Variants in LINGO2 observed in about 807,000 individuals in gnomAD.
LINGO2 encodes leucine rich repeat and Ig domain containing 2, also known as leucine-rich repeat and immunoglobulin-like domain-containing nogo receptor-interacting protein 2.
Under a neutral mutation model 30.6 loss-of-function variants are expected in LINGO2, and 14 were observed. That is an observed-to-expected ratio of 0.46 (90% confidence interval 0.30 to 0.72). LINGO2 has a LOEUF of 0.72. Ranked by LOEUF, LINGO2 falls within the 30% of genes least tolerant of loss-of-function variation. The probability of loss-of-function intolerance (pLI) is 0.07; values close to 1 mark genes in which losing one functional copy is unlikely to be tolerated. For synonymous variants in LINGO2, 317 were observed against 288.5 expected, an observed-to-expected ratio of 1.10 and a Z score of -1.00; for missense variants, 729 against 751.7, an observed-to-expected ratio of 0.97 and a Z score of 0.35.
At chr9:28,585,604 T>C (rs1824492806) in intron 1 of LINGO2, among the ~76,000 whole-genome samples, 1 of 152,044 alleles carries the variant, frequency 6.6e-6, no homozygotes, top group Non-Finnish European at 1.5e-5. Context: ...GACGTAAGTG[T>C]TCTGGGCATG....
At chr9:28,681,561 T>C in the LINGO2 span, among the ~76,000 whole-genome samples, 65 of 152,044 alleles carry the variant, frequency 4.3e-4, no homozygotes, top group African/African-American at 1.5e-3. Context: ...GAAAAAGGGA[T>C]ATGGGAATGG....
chr9:28,071,737 G>T (rs994653178), intron 4 of LINGO2, among the ~76,000 whole-genome samples: 2 of 151,938 alleles, frequency 1.3e-5, no homozygotes, highest in African/African-American at 4.8e-5. Context: ...AGGTCCATTT[G>T]GTTCTAAGAG....
the LINGO2 span, among the ~76,000 whole-genome samples, chr9:29,073,751 T>A: frequency 1.3e-5 from 2 of 152,220 alleles, no homozygotes; most frequent in Non-Finnish European, 2.9e-5. Context: ...AATTTGTGGT[T>A]AATCTTACTG....
intron 4 of LINGO2, among the ~76,000 whole-genome samples, chr9:28,214,119 G>C (rs187138005): frequency 1.3e-3 from 191 of 151,680 alleles, no homozygotes; most frequent in Non-Finnish European, 2.1e-3. Flanking sequence ...TTGGAGTAGA[G>C]AGAAAGTAAG....
chr9:29,027,921 G>A, the LINGO2 span, among the ~76,000 whole-genome samples: 23 of 152,308 alleles, frequency 1.5e-4, no homozygotes, highest in South Asian at 4.8e-3. Context: ...AGTGCACTTA[G>A]CAGATGGAGT....
At chr9:28,818,674 C>T in the LINGO2 span, among the ~76,000 whole-genome samples, 1 of 152,212 alleles carries the variant, frequency 6.6e-6, no homozygotes, top group Admixed American at 6.5e-5. Flanking sequence ...GCATGAGCCA[C>T]TGTGCCTGGC....
the LINGO2 span, among the ~76,000 whole-genome samples, chr9:28,720,519 C>T: frequency 6.6e-6 from 1 of 151,936 alleles, no homozygotes; most frequent in East Asian, 1.9e-4. Context: ...CCCAGTTCTC[C>T]CACACGGAAT....
intron 1 of LINGO2, among the ~76,000 whole-genome samples, chr9:28,538,972 T>C (rs1382935111): frequency 6.6e-6 from 1 of 151,952 alleles, no homozygotes; most frequent in Non-Finnish European, 1.5e-5. Context: ...TCCATATATA[T>C]TAATAGTCTC....
chr9:28,615,153 C>A (rs1039285214), intron 1 of LINGO2, among the ~76,000 whole-genome samples: 3 of 152,040 alleles, frequency 2.0e-5, no homozygotes, highest in Non-Finnish European at 4.4e-5. Flanking sequence ...TTCTGCCATA[C>A]GAGAATGTGT....
At chr9:29,166,207 A>G in the LINGO2 span, among the ~76,000 whole-genome samples, 1 of 152,070 alleles carries the variant, frequency 6.6e-6, no homozygotes, top group African/African-American at 2.4e-5. Context: ...TCCACTTTTT[A>G]TATACTTTTC....
the LINGO2 span, among the ~76,000 whole-genome samples, chr9:28,684,016 GAAATTCAA>G: frequency 6.6e-6 from 1 of 151,606 alleles, no homozygotes; most frequent in Non-Finnish European, 1.5e-5. Flanking sequence ...CTTTTTTTGT[GAAATTCAA>G]AAATTCAAAA....
chr9:28,371,207 G>A (rs1292666942), intron 3 of LINGO2, among the ~76,000 whole-genome samples: 1 of 152,140 alleles, frequency 6.6e-6, no homozygotes, highest in Non-Finnish European at 1.5e-5. Flanking sequence ...TTTATCTATG[G>A]AGTACAGTGT....
chr9:28,282,655 T>C (rs1207315415), intron 4 of LINGO2, among the ~76,000 whole-genome samples: 1 of 151,924 alleles, frequency 6.6e-6, no homozygotes, highest in African/African-American at 2.4e-5. Context: ...CAAATCAGAG[T>C]TGATAATCAA....
chr9:28,802,702 T>A, the LINGO2 span, among the ~76,000 whole-genome samples: 1 of 151,938 alleles, frequency 6.6e-6, no homozygotes, highest in Non-Finnish European at 1.5e-5. Context: ...ATAAAAGATT[T>A]AAGTACAGAT....
At chr9:28,236,698 G>C (rs1265897014) in intron 4 of LINGO2, among the ~76,000 whole-genome samples, 1 of 152,036 alleles carries the variant, frequency 6.6e-6, no homozygotes, top group Non-Finnish European at 1.5e-5. Flanking sequence ...TTGAAACCAT[G>C]GACATAATAA....
chr9:28,213,535 GA>G (rs1275992850), intron 4 of LINGO2, among the ~76,000 whole-genome samples: 4 of 151,302 alleles, frequency 2.6e-5, no homozygotes, highest in Admixed American at 2.6e-4. Flanking sequence ...GACTTATTAA[GA>G]AGCAAACACA....
the LINGO2 span, among the ~76,000 whole-genome samples, chr9:29,021,293 T>C: frequency 6.6e-6 from 1 of 152,174 alleles, no homozygotes; most frequent in Non-Finnish European, 1.5e-5. Flanking sequence ...AATGCGTCTG[T>C]GCCTCTGTAC....
chr9:28,824,911 T>C, the LINGO2 span, among the ~76,000 whole-genome samples: 1 of 152,176 alleles, frequency 6.6e-6, no homozygotes, highest in Non-Finnish European at 1.5e-5. Context: ...GATCTCCTCT[T>C]CTTTTCTTTA....
the LINGO2 span, among the ~76,000 whole-genome samples, chr9:29,121,587 A>G: frequency 6.6e-6 from 1 of 152,126 alleles, no homozygotes; most frequent in African/African-American, 2.4e-5. Context: ...GAGCTTAAAA[A>G]TATTAGAGAA....
Sources: allele counts gnomAD v4.1 joint callset (sites outside exome capture counted in the v4.1 genomes callset), GRCh38; gene constraint gnomAD v4.1.1; transcripts MANE v1.5; gene names NCBI Gene and HGNC (gene_info 2026-07-23, HGNC 2026-07-21).